The following PELI2 variants were observed in gnomAD, a reference collection of about 807,000 sequenced individuals.
PELI2 encodes the protein E3 ubiquitin-protein ligase pellino homolog 2.
PELI2 carries 23 observed loss-of-function variants against 42.3 expected under a neutral mutation model. That is an observed-to-expected ratio of 0.54 (90% CI 0.39 to 0.77). The LOEUF (loss-of-function observed/expected upper bound fraction) is 0.77. Among genes scored for constraint, PELI2 ranks in the 30% least tolerant of loss-of-function variants. The probability of loss-of-function intolerance (pLI) is 0.00; values close to 1 mark genes in which losing one functional copy is unlikely to be tolerated. For synonymous variants in PELI2, 245 were observed against 212.2 expected, an observed-to-expected ratio of 1.15 and a Z score of -1.34; for missense variants, 463 against 553.2, an observed-to-expected ratio of 0.84 and a Z score of 1.64.
intron 2 of PELI2, among the ~76,000 whole-genome samples, chr14:56,212,476 T>G (rs3825618): frequency 0.4 from 61,230 of 151,992 alleles, 13,043 homozygotes; most frequent in South Asian, 0.53. Flanking sequence ...TCCCTGGGAT[T>G]GGGGGGAGAG....
At chr14:56,276,157 C>T (rs1017440644) in intron 2 of PELI2, among the ~76,000 whole-genome samples, 4 of 152,232 alleles carry the variant, frequency 2.6e-5, no homozygotes, top group East Asian at 1.9e-4. Context: ...CAGACTTTTC[C>T]GTAAGACATG....
chr14:56,222,227 T>A (rs141471424), intron 2 of PELI2, among the ~76,000 whole-genome samples: 74 of 152,340 alleles, frequency 4.9e-4, no homozygotes, highest in African/African-American at 1.8e-3. Context: ...TTTTCATTGG[T>A]CTGCATATGT....
intron 2 of PELI2, among the ~76,000 whole-genome samples, chr14:56,231,674 C>T (rs1181409253): frequency 2.0e-5 from 3 of 152,148 alleles, no homozygotes; most frequent in African/African-American, 4.8e-5. Flanking sequence ...GTAAAATTGA[C>T]ACCCTAACAT....
intron 1 of PELI2, chr14:56,119,877 CAT>C: frequency 5.1e-6 from 5 of 981,888 alleles, no homozygotes; most frequent in Non-Finnish European, 6.0e-6. Flanking sequence ...GCTTAGCACA[CAT>C]ATGAGGAGTC....
intron 1 of PELI2, chr14:56,119,226 A>G (rs1242945266): frequency 1.3e-5 from 2 of 151,632 alleles, no homozygotes; most frequent in Admixed American, 1.3e-4. Flanking sequence ...CGCGCCCCCG[A>G]ACTCCGAGCG....
chr14:56,170,922 C>T (rs1008468919), intron 1 of PELI2, among the ~76,000 whole-genome samples: 1 of 152,184 alleles, frequency 6.6e-6, no homozygotes, highest in Non-Finnish European at 1.5e-5. Flanking sequence ...CTGAAAGGCT[C>T]TTATGGGCTC....
intron 2 of PELI2, among the ~76,000 whole-genome samples, chr14:56,187,655 GTACTTTATCCTC>G (rs1328872812): frequency 6.6e-6 from 1 of 152,154 alleles, no homozygotes; most frequent in African/African-American, 2.4e-5. Context: ...TTCTGAAAAA[GTACTTTATCCTC>G]TTTGAAGTCC....
rs201170816 is a variant in PELI2, at chr14:56,279,717, G to A, written c.249G>A (p.Leu83=). The A allele has an allele frequency of 1.2e-5, 20 of 1,604,768 alleles. No homozygotes were observed. The Admixed American group carries it at 2.5e-4, about 20-fold the overall frequency. Reference sequence around the variant, plus strand: ...GTCAACACAGTATATCCTACACTTTGTCAAGGAATCAGACTGTGGTGGTGG... The same window carrying A: ...GTCAACACAGTATATCCTACACTTTATCAAGGAATCAGACTGTGGTGGTGG... ...CKGQHSISYT[L]SRNQTVVVEY... The change falls in exon 3 of 6, where the codon TTG becomes TTA. Residue 83 remains leucine (L), a synonymous_variant. Coordinates refer to ENST00000267460, the MANE Select transcript of PELI2 (RefSeq NM_021255.3).
At position 56,283,405 on chromosome 14, in the gene PELI2, A is replaced by G. The variant is rs79257265; in HGVS notation, c.309+3628A>G. On this transcript the variant is annotated intron_variant, in intron 3 of 5. Coordinates refer to ENST00000267460, the MANE Select transcript of PELI2 (RefSeq NM_021255.3). ...CAGTTTGGTGCCACTGCTTTGAATCATGCCAAAGCACCAGCAGCTTTACCC... is the reference window on the plus strand; with the variant it reads ...CAGTTTGGTGCCACTGCTTTGAATCGTGCCAAAGCACCAGCAGCTTTACCC... 6.0e-3 allele frequency among the ~76,000 whole-genome samples: 908 copies of G among 152,344 alleles called. 13 individuals carry two copies. The highest frequency in any genetic ancestry group is 0.02 in the African/African-American group (841 of 41,582).
At chr14:56,226,246 A>T (rs1887350203) in intron 2 of PELI2, among the ~76,000 whole-genome samples, 1 of 152,142 alleles carries the variant, frequency 6.6e-6, no homozygotes, top group South Asian at 2.1e-4. Flanking sequence ...GTTCTTGCAC[A>T]TGCGTGGCTA....
Position 56,197,359 on chromosome 14 carries a change from C to G in PELI2, c.207+18895C>G, listed in dbSNP as rs1221341927. Reference sequence around the variant, plus strand: ...GTAACTGTCAGCATATTCTAAGACTCTGAGGCAGGCTTGAGGGCTGGTTAG... The same window carrying G: ...GTAACTGTCAGCATATTCTAAGACTGTGAGGCAGGCTTGAGGGCTGGTTAG... On this transcript the variant is annotated intron_variant, in intron 2 of 5. Transcript: ENST00000267460. The surrounding 1 kb of genome is among the most constrained non-coding windows in gnomAD (Gnocchi z 4.9). Among the ~76,000 whole-genome samples, 1 of 152,100 alleles carries G rather than the reference C, an allele frequency of 6.6e-6. No homozygotes were observed. Among genetic ancestry groups the G allele is most frequent in the Non-Finnish European group, 1.5e-5 (1 of 68,034 alleles).
chr14:56,262,744 T>A (rs1272986578), intron 2 of PELI2, among the ~76,000 whole-genome samples: 2 of 152,164 alleles, frequency 1.3e-5, no homozygotes, highest in African/African-American at 4.8e-5. Flanking sequence ...GATCTAACTC[T>A]CTCCCCTGGC....
chr14:56,207,507 A>G (rs1392984917), intron 2 of PELI2, among the ~76,000 whole-genome samples: 1 of 152,204 alleles, frequency 6.6e-6, no homozygotes, highest in Admixed American at 6.5e-5. Context: ...ATTGGGGTAT[A>G]TTAGGAACAG....
intron 2 of PELI2, among the ~76,000 whole-genome samples, chr14:56,231,155 G>A (rs1261089334): frequency 6.6e-6 from 1 of 151,966 alleles, no homozygotes; most frequent in Non-Finnish European, 1.5e-5. Flanking sequence ...ACAGTAAAGT[G>A]GGGGGACACT....
intron 2 of PELI2, among the ~76,000 whole-genome samples, chr14:56,253,765 G>A (rs1888432424): frequency 1.3e-5 from 2 of 152,060 alleles, no homozygotes; most frequent in South Asian, 4.1e-4. Context: ...CGTGAAAATG[G>A]CCATACTGCC....
rs185309388 is a variant in PELI2, at chr14:56,241,301, A to C, written c.208-38375A>C. Among the ~76,000 whole-genome samples the C allele has an allele frequency of 1.6e-3, 248 of 152,310 alleles. 1 individual carries two copies. The highest frequency in any genetic ancestry group is 2.5e-3 in the Non-Finnish European group (173 of 68,020). ...TTAAGATTTAAAAAAATCCCTCAAA[A>C]AGTAGAACAATTGGGGGGGAAAAAG... On this transcript the variant is annotated intron_variant, in intron 2 of 5. Coordinates refer to ENST00000267460, the MANE Select transcript of PELI2 (RefSeq NM_021255.3).
intron 2 of PELI2, among the ~76,000 whole-genome samples, chr14:56,179,001 C>T (rs893862472): frequency 2.0e-5 from 3 of 152,002 alleles, no homozygotes; most frequent in East Asian, 1.9e-4. Context: ...GAAAAGTATA[C>T]ACGACCAAGT....
In PELI2 at chr14:56,258,446, G is replaced by A. The variant is rs1364023344; in HGVS notation, c.208-21230G>A. On this transcript the variant is annotated intron_variant, in intron 2 of 5. Coordinates refer to ENST00000267460, the MANE Select transcript of PELI2 (RefSeq NM_021255.3). Reference sequence around the variant, plus strand: ...AGATGGAATTAAACACAGACAAGAAGGTTAAAATAGCTGTTACAAATATAT... The same window carrying A: ...AGATGGAATTAAACACAGACAAGAAAGTTAAAATAGCTGTTACAAATATAT... 5.3e-5 allele frequency among the ~76,000 whole-genome samples: 8 copies of A among 152,124 alleles called. No individual in the cohort carries two copies. In the East Asian group the frequency reaches 1.4e-3, roughly 26 times the overall value.
At chr14:56,135,864 G>T (rs1883671314) in intron 1 of PELI2, among the ~76,000 whole-genome samples, 1 of 152,208 alleles carries the variant, frequency 6.6e-6, no homozygotes, top group Non-Finnish European at 1.5e-5. Flanking sequence ...GAAGTTTTAG[G>T]TTAACTGATG....
Sources: gnomAD v4.1 joint callset for allele counts (sites outside exome capture counted in the v4.1 genomes callset) on GRCh38, gnomAD v4.1.1 for gene constraint, Gnocchi (gnomAD v3.1) non-coding constraint, MANE v1.5 for transcripts, NCBI Gene and HGNC (gene_info 2026-07-23, HGNC 2026-07-21) for gene names.